CNTN5: variants seen among roughly 807,000 people sequenced by gnomAD.
CNTN5 encodes contactin 5.
A neutral mutation model predicts 129.1 loss-of-function variants in CNTN5; 77 were observed. The observed-to-expected ratio is 0.60, with a 90% CI of 0.50 to 0.72. The LOEUF (loss-of-function observed/expected upper bound fraction) is 0.72, where lower values mean the gene tolerates loss of function less well. Ranked by LOEUF, CNTN5 falls within the 30% of genes least tolerant of loss-of-function variation. The pLI is 0.00. For synonymous variants in CNTN5, 509 were observed against 465.6 expected (o/e 1.09, Z -1.20); for missense variants, 1,478 against 1,328.8 (o/e 1.11, Z -1.75).
chr11:99,588,644 T>C (rs1949884159), intron 3 of CNTN5, among the ~76,000 whole-genome samples: 1 of 152,082 alleles, frequency 6.6e-6, no homozygotes, highest in Admixed American at 6.5e-5. Context: ...ATTTAATACG[T>C]TAAAGTAAAA....
chr11:99,559,056 TG>T (rs1948759284), intron 3 of CNTN5, among the ~76,000 whole-genome samples: 1 of 152,152 alleles, frequency 6.6e-6, no homozygotes, highest in Admixed American at 6.6e-5. Flanking sequence ...ATTCTGCTTT[TG>T]TTCCTTGGTT....
intron 2 of CNTN5, among the ~76,000 whole-genome samples, chr11:99,514,553 A>T (rs893567050): frequency 6.6e-6 from 1 of 152,076 alleles, no homozygotes; most frequent in Non-Finnish European, 1.5e-5. Flanking sequence ...CAGAACTACT[A>T]ATCTTGTCAT....
chr11:99,217,848 G>C (rs966330040), intron 1 of CNTN5, among the ~76,000 whole-genome samples: 4 of 151,810 alleles, frequency 2.6e-5, no homozygotes, highest in Non-Finnish European at 4.4e-5. Context: ...TTTCTCAAAG[G>C]CATCAATCCC....
chr11:100,104,124 T>G (rs1448456391), intron 13 of CNTN5, among the ~76,000 whole-genome samples: 1 of 149,370 alleles, frequency 6.7e-6, no homozygotes, highest in Non-Finnish European at 1.5e-5. Flanking sequence ...AGGCAGAGTC[T>G]TTCTCTGTCA....
intron 3 of CNTN5, among the ~76,000 whole-genome samples, chr11:99,769,022 TTTCTC>T (rs1198597125): frequency 2.8e-5 from 3 of 108,878 alleles, no homozygotes; most frequent in East Asian, 2.2e-4. Context: ...TAAAAGTTCT[TTTCTC>T]TTTTCTATCT....
chr11:99,829,959 T>C (rs1947085863), intron 4 of CNTN5, among the ~76,000 whole-genome samples: 1 of 152,188 alleles, frequency 6.6e-6, no homozygotes, highest in African/African-American at 2.4e-5. Flanking sequence ...TGATTTCATC[T>C]GTTTTTATTG....
chr11:99,091,647 A>G (rs775292094), intron 1 of CNTN5, among the ~76,000 whole-genome samples: 3 of 152,192 alleles, frequency 2.0e-5, no homozygotes, highest in Admixed American at 6.5e-5. Flanking sequence ...GAGGCACTTC[A>G]TCTGCGGGGA....
chr11:99,378,089 C>A (rs1159596531), intron 2 of CNTN5, among the ~76,000 whole-genome samples: 2 of 152,034 alleles, frequency 1.3e-5, no homozygotes, highest in Non-Finnish European at 2.9e-5. Flanking sequence ...ACAAACATTA[C>A]ATATAACATG....
intron 2 of CNTN5, among the ~76,000 whole-genome samples, chr11:99,542,741 A>T (rs959751046): frequency 2.0e-5 from 3 of 152,182 alleles, no homozygotes; most frequent in African/African-American, 7.2e-5. Context: ...ATTGCCTATT[A>T]GAGGCATCTC....
chr11:100,222,492 G>T (rs1791173679), intron 15 of CNTN5, among the ~76,000 whole-genome samples: 1 of 151,994 alleles, frequency 6.6e-6, no homozygotes, highest in African/African-American at 2.4e-5. Context: ...TAAATTATTT[G>T]GGAAGACAAA....
intron 3 of CNTN5, among the ~76,000 whole-genome samples, chr11:99,757,437 C>T (rs1222483933): frequency 1.3e-5 from 2 of 151,768 alleles, no homozygotes; most frequent in Non-Finnish European, 2.9e-5. Flanking sequence ...TATAAGTGCC[C>T]CACTCTAATT....
rs202182574 is a variant in CNTN5 at position 100,271,068 on chromosome 11, A to G, written c.2165-24A>G. 1.5e-5 allele frequency: 23 copies of G among 1,570,588 alleles called. No homozygotes were observed. In the South Asian group the frequency reaches 2.4e-4, roughly 16 times the overall value. On this transcript the variant is annotated intron_variant, in intron 17 of 24. Transcript: ENST00000524871. ...GCATTTTTCTAGTCCTCATAATGAC[A>G]TGAAATTTCCTTCCTTTCTATAGTC...
intron 7 of CNTN5, among the ~76,000 whole-genome samples, chr11:99,919,526 CTCAG>C (rs1487359660): frequency 2.6e-5 from 4 of 152,160 alleles, no homozygotes; most frequent in Non-Finnish European, 5.9e-5. Flanking sequence ...TTCTATTCCT[CTCAG>C]TCAGTCTGTG....
Position 99,597,579 on chromosome 11 carries a change from G to C in CNTN5, c.55+41310G>C, listed in dbSNP as rs537828287. Among the ~76,000 whole-genome samples, 9 of 152,096 alleles carry C rather than the reference G, an allele frequency of 5.9e-5. No homozygotes were observed. In the South Asian group the frequency reaches 1.9e-3, roughly 32 times the overall value. On this transcript the variant is annotated intron_variant, in intron 3 of 24. Transcript: ENST00000524871. ...GTTATCTACTGGCTCTGACTGTCAG[G>C]GTTTTTACCCAGCCTGTTTTCCGGT...
chr11:99,330,749 C>G (rs931616379), intron 2 of CNTN5, among the ~76,000 whole-genome samples: 2 of 152,106 alleles, frequency 1.3e-5, no homozygotes, highest in African/African-American at 4.8e-5. Context: ...TGCAATGACC[C>G]ACTCTTTGAA....
intron 6 of CNTN5, among the ~76,000 whole-genome samples, chr11:99,907,685 AATAG>A (rs1949545956): frequency 6.6e-6 from 1 of 151,960 alleles, no homozygotes; most frequent in African/African-American, 2.4e-5. Context: ...TGTATAATTT[AATAG>A]ATATATATGA....
chr11:100,093,220 C>T (rs1004111002), intron 13 of CNTN5, among the ~76,000 whole-genome samples: 4 of 152,026 alleles, frequency 2.6e-5, no homozygotes, highest in Admixed American at 1.3e-4. Context: ...TGTTTTCTCT[C>T]GGGTGTTCTC....
Position 99,518,286 on chromosome 11 carries a change from C to T in CNTN5, c.-70-37859C>T, listed in dbSNP as rs553961380. Among the ~76,000 whole-genome samples, 174 of 152,172 alleles carry T rather than the reference C, an allele frequency of 1.1e-3. 1 individual carries two copies. Among genetic ancestry groups the T allele is most frequent in the African/African-American group, 3.7e-3 (154 of 41,538 alleles). On this transcript the variant is annotated intron_variant, in intron 2 of 24. Transcript: ENST00000524871. The stretch of plus-strand genomic sequence containing the variant: ...AAAGCAGCATTGTTAAGACTCAGGT[C>T]GCCACTTTATGAGACACCCGTTGGA...
At chr11:99,590,395 T>C (rs1949941197) in intron 3 of CNTN5, among the ~76,000 whole-genome samples, 1 of 152,214 alleles carries the variant, frequency 6.6e-6, no homozygotes, top group African/African-American at 2.4e-5. Flanking sequence ...TGTATGACTT[T>C]GTGCAATCAC....
Sources: gnomAD v4.1 joint callset for allele counts (sites outside exome capture counted in the v4.1 genomes callset) on GRCh38, gnomAD v4.1.1 for gene constraint, MANE v1.5 for transcripts, NCBI Gene and HGNC (gene_info 2026-07-23, HGNC 2026-07-21) for gene names.